Variants in TTN observed in about 807,000 individuals in gnomAD.
The protein encoded by TTN is titin, also known as connectin.
Under a neutral mutation model 3,223.0 loss-of-function variants are expected in TTN, and 1,525 were observed. The ratio of observed to expected loss-of-function variants is 0.47; its 90% CI spans 0.45 to 0.49. The LOEUF (loss-of-function observed/expected upper bound fraction) is 0.49, where lower values mean the gene tolerates loss of function less well. TTN is among the 20% of genes least tolerant of loss of function. The pLI is 0.00. For missense variants in TTN, 40,786 were observed against 43,424.0 expected (o/e 0.94, Z 5.40); for synonymous variants, 14,094 against 15,161.0 (o/e 0.93, Z 5.17).
chr2:178,747,400 T>A, intron 47 of TTN: 1 of 1,613,374 alleles, frequency 6.2e-7, no homozygotes, highest in Middle Eastern at 1.7e-4. Flanking sequence ...CAGGGGACTT[T>A]GGAGATTCAA....
In TTN at chr2:178,555,000, C is replaced by T. The variant is rs200899806; in HGVS notation, c.88459G>A (p.Val29487Met). 6.0e-4 allele frequency: 975 copies of T among 1,613,542 alleles called. 4 individuals are homozygous for T. The highest frequency in any genetic ancestry group is 1.9e-3 in the Admixed American group (114 of 59,972). The part of the protein sequence containing the change: ...DDKELQTNAL[V>M]CVENTTDLAS... ...AGGTCCGTGGTATTTTCAACACACA[C>T]CAGTGCATTGGTTTGTAATTCTTTA... is the stretch of plus-strand genomic sequence containing the variant. The change falls in exon 331 of 363, where the codon GTG becomes ATG. Residue 29487 changes from valine (V) to methionine (M), a missense_variant. Transcript: ENST00000589042.
intron 41 of TTN, among the ~76,000 whole-genome samples, chr2:178,766,014 T>C (rs1025427876): frequency 4.6e-5 from 7 of 152,102 alleles, no homozygotes; most frequent in African/African-American, 1.7e-4. Context: ...AACACCCCTT[T>C]CACTTGGTAG....
chr2:178,665,017 C>G lies in TTN; in HGVS notation c.36044-91G>C, dbSNP rs2065656202. 2.2e-6 allele frequency: 3 copies of G among 1,385,742 alleles called. No individual in the cohort carries two copies. In the South Asian group the frequency reaches 3.8e-5, roughly 18 times the overall value. 85.8% of individuals were successfully genotyped at this position (1,385,742 alleles called of 1,614,324 possible). A position where few individuals can be genotyped will look rare whatever the true frequency, so the allele number is the denominator to read the frequency against. On this transcript the variant is annotated intron_variant, in intron 165 of 362. Transcript: ENST00000589042. ...AAGTTAGGAAATATAACCACATTTT[C>G]TTCTCTTTCCTCCATCCTCCCTTTG...
rs72646827 is a variant in TTN, at chr2:178,599,264, C to T, written c.56529G>A (p.Thr18843=). The stretch of plus-strand genomic sequence containing the variant: ...CTTCTAGCAATTTGGGAATCGTGTA[C>T]GTGCACTCCTTAGGTTCACTGGAGA... ...VHVSSEPKEC[T]YTIPKLLEGH... The change falls in exon 290 of 363, where the codon ACG becomes ACA. Residue 18843 remains threonine, a synonymous_variant. Transcript: ENST00000589042. 16,502 of 1,581,630 alleles carry T rather than the reference C, an allele frequency of 0.01. 102 individuals carry two copies. Among genetic ancestry groups the T allele is most frequent in the Non-Finnish European group, 0.013 (14,746 of 1,168,992 alleles).
rs1165726016 is a variant in TTN, at chr2:178,783,753, A to G, written c.2808T>C (p.Val936=). ...AAGTTGGTGGAGTAACAGGAATTTCAACAGGTGCTGGTACTCTTGCTGTTT... is the reference window on the plus strand; with the variant it reads ...AAGTTGGTGGAGTAACAGGAATTTCGACAGGTGCTGGTACTCTTGCTGTTT... The part of the protein sequence containing the change: ...VTETARVPAP[V]EIPVTPPTLV... Residue 936 remains valine, a synonymous_variant, in exon 17 of 363, where the codon GTT becomes GTC. Coordinates refer to ENST00000589042, the MANE Select transcript of TTN (RefSeq NM_001267550.2). 1 of 1,613,570 alleles carries G rather than the reference A, an allele frequency of 6.2e-7. No homozygotes were observed. Among genetic ancestry groups the G allele is most frequent in the East Asian group, 2.2e-5 (1 of 44,806 alleles).
rs774541937 is a variant in TTN, at chr2:178,620,782, G to A, written c.45828C>T (p.Asn15276=). The change falls in exon 247 of 363, where the codon AAC becomes AAT. Residue 15276 remains asparagine, a synonymous_variant. Coordinates refer to ENST00000589042, the MANE Select transcript of TTN (RefSeq NM_001267550.2). ...TGTGATTGGTCAAAGACACATTATA[G>A]TTGGCTTGGTCATCTAAGTGTGCAT... is the stretch of plus-strand genomic sequence containing the variant. ...IRDAHLDDQA[N]YNVSLTNHRG... is the part of the protein sequence containing the mutation. 1.2e-6 allele frequency: 2 copies of A among 1,612,754 alleles called. No individual in the cohort carries two copies. The highest frequency in any genetic ancestry group is 2.2e-5 in the South Asian group (2 of 91,050).
chr2:178,778,418 A>C, intron 24 of TTN: 1 of 231,738 alleles, frequency 4.3e-6, no homozygotes, highest in Non-Finnish European at 8.5e-6. Context: ...TTTGGAAACA[A>C]AACAAAGCAA....
In TTN at chr2:178,746,383, G is replaced by A. The variant is rs747461620; in HGVS notation, c.11312-4462C>T. The stretch of plus-strand genomic sequence containing the variant: ...CTAGACTCACAATCATACTTTTATG[G>A]TCAGGAGTAAATTCGGGAACTGTCA... On this transcript the variant is annotated intron_variant, in intron 47 of 362. Coordinates refer to ENST00000589042, the MANE Select transcript of TTN (RefSeq NM_001267550.2). The A allele has an allele frequency of 1.9e-6, 3 of 1,610,230 alleles. 1 individual carries two copies. The South Asian group carries it at 3.3e-5, about 18-fold the overall frequency.
chr2:178,582,946 C>A lies in TTN; in HGVS notation c.65857G>T (p.Val21953Leu). 1 of 1,522,226 alleles carries A rather than the reference C, an allele frequency of 6.6e-7. No homozygotes were observed. Among genetic ancestry groups the A allele is most frequent in the Admixed American group, 2.0e-5 (1 of 48,786 alleles). 94.3% of individuals were successfully genotyped at this position (1,522,226 alleles called of 1,614,324 possible). A position where few individuals can be genotyped will look rare whatever the true frequency, so the allele number is the denominator to read the frequency against. The change falls in exon 313 of 363, where the codon GTG (valine) becomes TTG (leucine). Residue 21953 changes from valine to leucine, a missense_variant. Transcript: ENST00000589042. ...GSKSATIKLK[V>L]LDKPGPPASV... ...AATGAAGTTTATTAGTTACCTAACA[C>A]TTTAAGCTTAATGGTGGCTGATTTA...
At chr2:178,647,508 A>G in intron 213 of TTN, 44 bp from the exon 214 acceptor site, 2 of 1,534,210 alleles carry the variant, frequency 1.3e-6, no homozygotes, top group Non-Finnish European at 1.8e-6. Context: ...TTTAGAAGAC[A>G]TGCAAGATTG....
In TTN at chr2:178,802,320, C is replaced by T; in HGVS notation, c.113G>A (p.Ser38Asn). 6.2e-7 allele frequency: 1 copy of T among 1,614,104 alleles called. No individual in the cohort carries two copies. ...HISGFPVPEVSWFRDGQVIST... is the reference protein window; with the variant it reads ...HISGFPVPEVNWFRDGQVIST... ...AATCACCTGGCCATCCCTAAACCAGCTCACCTCAGGAACTGGAAAACCTGA... is the reference window on the plus strand; with the variant it reads ...AATCACCTGGCCATCCCTAAACCAGTTCACCTCAGGAACTGGAAAACCTGA... Residue 38 changes from serine (S) to asparagine (N), a missense_variant, in exon 3 of 363, where the codon AGC (serine) becomes AAC (asparagine). Transcript: ENST00000589042.
At position 178,745,028 on chromosome 2, in the gene TTN, G is replaced by A. The variant is rs947622175; in HGVS notation, c.11312-3107C>T. On this transcript the variant is annotated intron_variant, in intron 47 of 362. Coordinates refer to ENST00000589042, the MANE Select transcript of TTN (RefSeq NM_001267550.2). ...TATATTAAGATTGAAATGTCAAACA[G>A]ATTATAGAGTTAGTTGCCAATTGGG... 4.1e-6 allele frequency: 4 copies of A among 987,252 alleles called. No homozygotes were observed. The East Asian group carries it at 4.5e-4, about 111-fold the overall frequency. 61.2% of individuals were successfully genotyped at this position (987,252 alleles called of 1,614,324 possible).
intron 217 of TTN, 47 bp downstream of exon 217, chr2:178,645,873 A>G: frequency 8.3e-7 from 1 of 1,211,584 alleles, no homozygotes; most frequent in Non-Finnish European, 1.1e-6. Flanking sequence ...ATGGCTGGAT[A>G]GAAGTTTGAA....
chr2:178,664,183 A>C, intron 168 of TTN, 85 bp from the exon 169 acceptor site: 1 of 1,343,964 alleles, frequency 7.4e-7, no homozygotes, highest in Non-Finnish European at 1.0e-6. Context: ...CAAAAGAGCT[A>C]TTTTTTTCTC....
At chr2:178,709,473 CT>C in intron 99 of TTN, 92 bp downstream of exon 99, 1 of 1,306,044 alleles carries the variant, frequency 7.7e-7, no homozygotes, top group South Asian at 1.6e-5. Flanking sequence ...TTTGTTATAA[CT>C]TACTTGGTCA....
At position 178,710,640 on chromosome 2, in the gene TTN, A is replaced by G. The variant is rs746742751; in HGVS notation, c.28457T>C (p.Ile9486Thr). The G allele has an allele frequency of 1.2e-6, 2 of 1,603,264 alleles. No homozygotes were observed. Among genetic ancestry groups the G allele is most frequent in the Admixed American group, 3.4e-5 (2 of 59,694 alleles). Residue 9486 changes from isoleucine to threonine, a missense_variant, in exon 98 of 363, where the codon ATA becomes ACA. Ile to Thr is a moderately conservative substitution (Grantham distance 89). Transcript: ENST00000589042. The stretch of plus-strand genomic sequence containing the variant: ...ACTTGCAAAATAAACGATACCTTTT[A>G]TATTCAGCTGAGCTGTGCAAGAGTC... ...GKDSCTAQLN[I>T]KERLIPPSFT...
Position 178,701,177 on chromosome 2 carries a change from T to C in TTN, c.30625A>G (p.Ile10209Val), listed in dbSNP as rs1184572213. 2 of 1,613,468 alleles carry C rather than the reference T, an allele frequency of 1.2e-6. No individual in the cohort carries two copies. Among genetic ancestry groups the C allele is most frequent in the African/African-American group, 1.3e-5 (1 of 74,982 alleles). ...EEIPPVVAPP[I>V]PLLLPTPEEK... is the part of the protein sequence containing the mutation. Reference sequence around the variant, plus strand: ...TCGGGTGTTGGTAGCAAAAGGGGGATAGGAGGAGCAACCACAGGAGGGATT... The same window carrying C: ...TCGGGTGTTGGTAGCAAAAGGGGGACAGGAGGAGCAACCACAGGAGGGATT... Residue 10209 changes from isoleucine (I) to valine (V), a missense_variant, in exon 111 of 363, where the codon ATC becomes GTC. Coordinates refer to ENST00000589042, the MANE Select transcript of TTN (RefSeq NM_001267550.2).
In TTN at chr2:178,608,902, G is replaced by A. The variant is rs773071032; in HGVS notation, c.52109C>T (p.Pro17370Leu). The change falls in exon 274 of 363, where the codon CCG (proline) becomes CTG (leucine). Residue 17370 changes from proline to leucine, a missense_variant. Coordinates refer to ENST00000589042, the MANE Select transcript of TTN (RefSeq NM_001267550.2). ...APCTVSVLDTPGPPINFVFED... is the reference protein window; with the variant it reads ...APCTVSVLDTLGPPINFVFED... ...AAATACAAAGTTGATTGGTGGTCCC[G>A]GTGTATCTAATATTTCAGAAGAGAA... 1.1e-5 allele frequency: 17 copies of A among 1,607,502 alleles called. No individual in the cohort carries two copies. Among genetic ancestry groups the A allele is most frequent in the Admixed American group, 3.4e-5 (2 of 59,652 alleles).
Position 178,543,949 on chromosome 2 carries a change from C to G in TTN, c.96195G>C (p.Glu32065Asp). 1 of 1,613,678 alleles carries G rather than the reference C, an allele frequency of 6.2e-7. No individual in the cohort carries two copies. The highest frequency in any genetic ancestry group is 2.2e-5 in the East Asian group (1 of 44,862). The change falls in exon 346 of 363, where the codon GAG (glutamate) becomes GAC (aspartate). Residue 32065 changes from glutamate (E) to aspartate (D), a missense_variant. Physicochemically the swap from Glu to Asp is conservative, Grantham distance 45 (BLOSUM62 2). Transcript: ENST00000589042. Reference sequence around the variant, plus strand: ...TGTCCACTATTAGCAATGAGTAGCTCTCAGTGGTGTCAATAATTGCCCGGC... The same window carrying G: ...TGTCCACTATTAGCAATGAGTAGCTGTCAGTGGTGTCAATAATTGCCCGGC... ...LASRAIIDTT[E>D]SYSLLIVDKV...
Sources: gnomAD v4.1 joint callset for allele counts (sites outside exome capture counted in the v4.1 genomes callset) on GRCh38, gnomAD v4.1.1 for gene constraint, MANE v1.5 for transcripts, NCBI Gene and HGNC (gene_info 2026-07-23, HGNC 2026-07-21) for gene names.